The following KLK5 variants were observed in gnomAD, a reference collection of about 807,000 sequenced individuals.
KLK5 encodes kallikrein-5.
KLK5 carries 18 observed loss-of-function variants against 24.0 expected under a neutral mutation model. The ratio of observed to expected loss-of-function variants is 0.75; its 90% CI spans 0.52 to 1.11. KLK5 has a LOEUF of 1.11. Among genes scored for constraint, KLK5 ranks in the 50% most tolerant of loss-of-function variants. The pLI is 0.00. For missense variants in KLK5, 374 were observed against 379.2 expected (o/e 0.99, Z 0.11); for synonymous variants, 140 against 154.0 (o/e 0.91, Z 0.67).
chr19:50,945,777 C>T lies in KLK5; in HGVS notation c.727-1991G>A, dbSNP rs562448384. On this transcript the variant is annotated intron_variant, in intron 5 of 5. Coordinates refer to ENST00000336334, the MANE Select transcript of KLK5 (RefSeq NM_012427.5). ...TTGCACTCCAGCCTGGGTGACAGAG[C>T]GAGACTCCGTCTCAAAAAAGAAAAG... Among the ~76,000 whole-genome samples, 37 of 77,850 alleles carry T rather than the reference C, an allele frequency of 4.8e-4. No homozygotes were observed. In the South Asian group the frequency reaches 0.012, roughly 24 times the overall value. 51.1% of individuals were successfully genotyped at this position (77,850 alleles called of 152,430 possible). A position where few individuals can be genotyped will look rare whatever the true frequency, so the allele number is the denominator to read the frequency against.
At chr19:50,950,528 C>A (rs1009538913) in intron 2 of KLK5, among the ~76,000 whole-genome samples, 1 of 151,626 alleles carries the variant, frequency 6.6e-6, no homozygotes, top group Non-Finnish European at 1.5e-5. Flanking sequence ...GGGCTGGAGG[C>A]AGGAAGGGGT....
At chr19:50,946,836 G>A (rs1600070942) in intron 5 of KLK5, among the ~76,000 whole-genome samples, 2 of 152,278 alleles carry the variant, frequency 1.3e-5, no homozygotes, top group East Asian at 1.9e-4. Flanking sequence ...TGGGATTACA[G>A]GTGTGAGCCA....
Position 50,948,793 on chromosome 19 carries a change from T to C in KLK5, c.593-20A>G. On this transcript the variant is annotated intron_variant, in intron 4 of 5. Transcript: ENST00000336334. ...AGTGCACTGTCAAACAGGAACACAATGAGAAGTGGAGAAAGATGGAAGGCG... is the reference window on the plus strand; with the variant it reads ...AGTGCACTGTCAAACAGGAACACAACGAGAAGTGGAGAAAGATGGAAGGCG... 6.2e-7 allele frequency: 1 copy of C among 1,613,816 alleles called. No individual in the cohort carries two copies. Among genetic ancestry groups the C allele is most frequent in the Non-Finnish European group, 8.5e-7 (1 of 1,179,958 alleles).
intron 2 of KLK5, among the ~76,000 whole-genome samples, chr19:50,951,421 C>T (rs752613543): frequency 7.2e-5 from 11 of 152,066 alleles, no homozygotes; most frequent in Non-Finnish European, 1.3e-4. Context: ...TACAGGCACG[C>T]GCCACCACAC....
intron 3 of KLK5, 77 bp downstream of exon 3, chr19:50,949,778 C>CG (rs2090668059): frequency 3.1e-6 from 1 of 326,538 alleles, no homozygotes; most frequent in Non-Finnish European, 5.0e-6. Context: ...ACCTCCATGA[C>CG]ACCCCCACCC....
At chr19:50,949,211 T>G in intron 3 of KLK5, 96 bp from the exon 4 acceptor site, 2 of 1,085,270 alleles carry the variant, frequency 1.8e-6, no homozygotes, top group South Asian at 1.6e-5. Context: ...CCCACCCCCA[T>G]CCCCACCCCC....
intron 5 of KLK5, among the ~76,000 whole-genome samples, chr19:50,946,567 T>TTG (rs888526817): frequency 8.5e-5 from 11 of 128,954 alleles, no homozygotes; most frequent in African/African-American, 3.0e-4. Flanking sequence ...TTCTTTTCTT[T>TTG]TTTTTTTTTT....
At chr19:50,951,862 G>A (rs915951985) in intron 2 of KLK5, among the ~76,000 whole-genome samples, 10 of 152,076 alleles carry the variant, frequency 6.6e-5, no homozygotes, top group Middle Eastern at 3.2e-3. Context: ...GGCACACACT[G>A]CAAGTCAGTC....
At chr19:50,948,199 G>A (rs1050850090) in intron 5 of KLK5, among the ~76,000 whole-genome samples, 46 of 151,440 alleles carry the variant, frequency 3.0e-4, no homozygotes, top group Non-Finnish European at 5.7e-4. Flanking sequence ...TCAGCTCACT[G>A]CAACCTCCAC....
At chr19:50,952,469 C>T (rs1373282850) in intron 2 of KLK5, 116 bp downstream of exon 2, 3 of 633,600 alleles carry the variant, frequency 4.7e-6, no homozygotes, top group East Asian at 6.5e-5. Flanking sequence ...GACTCACATT[C>T]ACCCGGTCCC....
intron 2 of KLK5, among the ~76,000 whole-genome samples, chr19:50,952,068 C>T (rs959864159): frequency 6.6e-6 from 1 of 152,006 alleles, no homozygotes; most frequent in Non-Finnish European, 1.5e-5. Flanking sequence ...TACGGGCATC[C>T]ATAACGTCAC....
intron 2 of KLK5, 79 bp from the exon 3 acceptor site, chr19:50,950,195 A>C: frequency 7.0e-7 from 1 of 1,435,810 alleles, no homozygotes; most frequent in Non-Finnish European, 9.5e-7. Context: ...AAGAGGCCAG[A>C]CCAGCTAGAG....
At chr19:50,950,148 A>T in intron 2 of KLK5, 32 bp from the exon 3 acceptor site, 10 of 1,433,628 alleles carry the variant, frequency 7.0e-6, no homozygotes, top group East Asian at 2.4e-5. Flanking sequence ...GGCGGGGCTC[A>T]GAGGCGGGGC....
In KLK5 at chr19:50,950,244, C is replaced by A. The variant is rs539173337; in HGVS notation, c.74-128G>T. The A allele has an allele frequency of 2.1e-5, 18 of 869,014 alleles. No homozygotes were observed. In the African/African-American group the frequency reaches 2.6e-4, roughly 13 times the overall value. The allele number at this position is 869,014 out of a possible 1,614,324, so 53.8% of individuals were successfully genotyped here. On this transcript the variant is annotated intron_variant, in intron 2 of 5. Transcript: ENST00000336334. ...CATGCTGAGGGGGCAGGGGCAGGGCCTGGAGAATAAGAGTGGCACCTCTCA... is the reference window on the plus strand; with the variant it reads ...CATGCTGAGGGGGCAGGGGCAGGGCATGGAGAATAAGAGTGGCACCTCTCA...
In KLK5 at chr19:50,948,791, A is replaced by G; in HGVS notation, c.593-18T>C. 1 of 1,614,054 alleles carries G rather than the reference A, an allele frequency of 6.2e-7. No individual in the cohort carries two copies. The highest frequency in any genetic ancestry group is 1.1e-5 in the South Asian group (1 of 91,086). ...GAAGTGCACTGTCAAACAGGAACAC[A>G]ATGAGAAGTGGAGAAAGATGGAAGG... is the stretch of plus-strand genomic sequence containing the variant. On this transcript the variant is annotated intron_variant, in intron 4 of 5. Coordinates refer to ENST00000336334, the MANE Select transcript of KLK5 (RefSeq NM_012427.5).
chr19:50,952,714 G>A (rs368201570), intron 1 of KLK5, 33 bp downstream of exon 1: 32 of 1,434,242 alleles, frequency 2.2e-5, no homozygotes, highest in South Asian at 2.1e-4. Context: ...GCGATCCGGG[G>A]AGCCCTTAAC....
chr19:50,946,984 G>T (rs2090641682), intron 5 of KLK5, among the ~76,000 whole-genome samples: 1 of 152,136 alleles, frequency 6.6e-6, no homozygotes, highest in Non-Finnish European at 1.5e-5. Context: ...AATTTGGGGG[G>T]AGCTTTTCAT....
In KLK5 at chr19:50,948,701, G is replaced by A. The variant is rs758457993; in HGVS notation, c.665C>T (p.Pro222Leu). 4.4e-5 allele frequency: 71 copies of A among 1,613,988 alleles called. No individual in the cohort carries two copies. The highest frequency in any genetic ancestry group is 5.6e-5 in the Non-Finnish European group (66 of 1,180,028). Residue 222 changes from proline to leucine, a missense_variant, in exon 5 of 6, where the codon CCG becomes CTG. Physicochemically the swap from Pro to Leu is moderately conservative, Grantham distance 98. Coordinates refer to ENST00000336334, the MANE Select transcript of KLK5 (RefSeq NM_012427.5). ...GAACATGGTGTCATCTATCTGTCTC[G>A]GGTAAGCATCCTCGCACCTTTTCTG... The part of the protein sequence containing the change: ...LSQKRCEDAY[P>L]RQIDDTMFCA...
chr19:50,944,421 G>A (rs1187586604), intron 5 of KLK5, among the ~76,000 whole-genome samples: 3 of 151,944 alleles, frequency 2.0e-5, no homozygotes, highest in Middle Eastern at 3.2e-3. Context: ...TCCACATCTC[G>A]AATCTTCGTC....
Sources: allele counts gnomAD v4.1 joint callset (sites outside exome capture counted in the v4.1 genomes callset), GRCh38; gene constraint gnomAD v4.1.1; transcripts MANE v1.5; gene names NCBI Gene and HGNC (gene_info 2026-07-23, HGNC 2026-07-21).